DCP1B: variants seen among roughly 807,000 people sequenced by gnomAD.
DCP1B encodes the protein mRNA-decapping enzyme 1B.
A neutral mutation model predicts 60.5 loss-of-function variants in DCP1B; 47 were observed. That is an observed-to-expected ratio of 0.78 (90% CI 0.61 to 0.99). The LOEUF (loss-of-function observed/expected upper bound fraction) is 0.99, where lower values mean the gene tolerates loss of function less well. DCP1B is among the 50% of genes least tolerant of loss of function. The probability of loss-of-function intolerance (pLI) is 0.00; values close to 1 mark genes in which losing one functional copy is unlikely to be tolerated. For synonymous variants in DCP1B, 267 were observed against 280.3 expected, an observed-to-expected ratio of 0.95 and a Z score of 0.47; for missense variants, 725 against 756.8, an observed-to-expected ratio of 0.96 and a Z score of 0.49.
intron 2 of DCP1B, among the ~76,000 whole-genome samples, chr12:1,995,306 G>A (rs1047551546): frequency 9.2e-5 from 14 of 152,308 alleles, no homozygotes; most frequent in Admixed American, 2.0e-4. Context: ...ATCATAATGC[G>A]TGTTGTGAGA....
At chr12:1,969,183 T>G (rs959169407) in intron 3 of DCP1B, among the ~76,000 whole-genome samples, 2 of 152,240 alleles carry the variant, frequency 1.3e-5, no homozygotes, top group African/African-American at 4.8e-5. Context: ...TTAAAACAGC[T>G]ATGATATTCT....
chr12:1,972,988 C>T (rs1198106491), intron 3 of DCP1B, among the ~76,000 whole-genome samples: 3 of 152,204 alleles, frequency 2.0e-5, no homozygotes, highest in Non-Finnish European at 2.9e-5. Flanking sequence ...TGCGTTTGGC[C>T]GGCTCTGTGC....
rs2030732955 is a variant in DCP1B, at chr12:1,952,848, C to T, written c.1092G>A (p.Gly364=). 2 of 1,613,952 alleles carry T rather than the reference C, an allele frequency of 1.2e-6. No homozygotes were observed. Among genetic ancestry groups the T allele is most frequent in the African/African-American group, 1.3e-5 (1 of 74,864 alleles). The stretch of plus-strand genomic sequence containing the variant: ...TACTAGGGTCACACTTGTTTGCTGC[C>T]CCTGGGGTACTCTGAAGTTTCTCGA... ...NLFEKLQSTP[G]AANKCDPSTP... is the part of the protein sequence containing the mutation. Residue 364 remains glycine (G), a synonymous_variant, in exon 7 of 9, where the codon GGG becomes GGA. Coordinates refer to ENST00000280665, the MANE Select transcript of DCP1B (RefSeq NM_152640.5).
intron 3 of DCP1B, among the ~76,000 whole-genome samples, chr12:1,970,468 T>C (rs1169097089): frequency 6.6e-6 from 1 of 152,112 alleles, no homozygotes; most frequent in African/African-American, 2.4e-5. Context: ...CAAGATAAAA[T>C]GCAGAACTGG....
chr12:1,993,652 G>GTGTGTGTA (rs2040072620), intron 2 of DCP1B, among the ~76,000 whole-genome samples: 1 of 149,624 alleles, frequency 6.7e-6, no homozygotes. Context: ...GTGTGTGTGT[G>GTGTGTGTA]TGTGTATACA....
chr12:1,953,145 T>C lies in DCP1B; in HGVS notation c.795A>G (p.Pro265=), dbSNP rs763583707. The C allele has an allele frequency of 1.7e-5, 27 of 1,603,800 alleles. No individual in the cohort carries two copies. The highest frequency in any genetic ancestry group is 2.3e-5 in the Non-Finnish European group (27 of 1,177,590). Residue 265 remains proline, a synonymous_variant, in exon 7 of 9, where the codon CCA becomes CCG. Transcript: ENST00000280665. The part of the protein sequence containing the change: ...QQQQQQQEKL[P]IRQGVVRSLS... ...GGGAGCGTACAACCCCCTGCCTAAT[T>C]GGAAGCTTCTCTTGCTGCTGCTGCT...
rs530506455 is a variant in DCP1B at position 1,978,586 on chromosome 12, G to A, written c.320-10676C>T. On this transcript the variant is annotated intron_variant, in intron 3 of 8. Coordinates refer to ENST00000280665, the MANE Select transcript of DCP1B (RefSeq NM_152640.5). The stretch of plus-strand genomic sequence containing the variant: ...CACAGATCTTAAAGTGTTCTGCTCA[G>A]TGAGTTGGCAATAAAACACTCTTAT... Among the ~76,000 whole-genome samples, 13 of 152,214 alleles carry A rather than the reference G, an allele frequency of 8.5e-5. No individual in the cohort carries two copies. The South Asian group carries it at 2.5e-3, about 29-fold the overall frequency.
downstream of DCP1B, among the ~76,000 whole-genome samples, chr12:1,944,551 A>AACCAAAACAGCATGGTACTGGT (rs2030360992): frequency 6.6e-6 from 1 of 152,218 alleles, no homozygotes; most frequent in Non-Finnish European, 1.5e-5. Flanking sequence ...AGGCTACAGT[A>AACCAAAACAGCATGGTACTGGT]ACCAAAACAG....
At chr12:2,001,349 T>A (rs1054750256) in intron 1 of DCP1B, among the ~76,000 whole-genome samples, 2 of 152,194 alleles carry the variant, frequency 1.3e-5, no homozygotes, top group Non-Finnish European at 2.9e-5. Context: ...CCTGGGGTAT[T>A]TTAGCTTAAA....
intron 6 of DCP1B, among the ~76,000 whole-genome samples, chr12:1,953,790 A>T (rs2030780807): frequency 6.6e-6 from 1 of 152,236 alleles, no homozygotes; most frequent in Admixed American, 6.5e-5. Flanking sequence ...GGTAGGATTT[A>T]AAAAGTCCTT....
At chr12:1,947,563 T>C (rs2030483002) in intron 8 of DCP1B, among the ~76,000 whole-genome samples, 1 of 152,070 alleles carries the variant, frequency 6.6e-6, no homozygotes, top group African/African-American at 2.4e-5. Flanking sequence ...TACTCTGGAG[T>C]AGAGTCTCAA....
chr12:1,980,504 C>T (rs1404434039), intron 3 of DCP1B, among the ~76,000 whole-genome samples: 1 of 151,812 alleles, frequency 6.6e-6, no homozygotes, highest in Non-Finnish European at 1.5e-5. Context: ...TACATGTTCT[C>T]AATATGTTTT....
At chr12:1,985,979 TTTG>T (rs1469937942) in intron 3 of DCP1B, among the ~76,000 whole-genome samples, 4 of 152,172 alleles carry the variant, frequency 2.6e-5, no homozygotes, top group South Asian at 2.1e-4. Flanking sequence ...CTTGGCTAAT[TTTG>T]TTTTGTATTT....
intron 1 of DCP1B, among the ~76,000 whole-genome samples, chr12:2,000,808 G>A (rs1413933009): frequency 6.6e-6 from 1 of 152,148 alleles, no homozygotes; most frequent in Non-Finnish European, 1.5e-5. Flanking sequence ...AGGCCGAGGC[G>A]GGTGGATCAC....
chr12:1,950,255 C>T, intron 7 of DCP1B: 1 of 690,096 alleles, frequency 1.4e-6, no homozygotes, highest in Non-Finnish European at 2.6e-6. Context: ...CTTGTCCCTA[C>T]ATGACATTTC....
chr12:1,952,365 A>C (rs1453454388), intron 7 of DCP1B, 51 bp downstream of exon 7: 6 of 1,454,674 alleles, frequency 4.1e-6, no homozygotes, highest in Middle Eastern at 2.6e-4. Flanking sequence ...TAGGGACAGG[A>C]TCTTGCTATG....
At chr12:1,950,140 G>A in intron 7 of DCP1B, 1 of 575,398 alleles carries the variant, frequency 1.7e-6, no homozygotes, top group South Asian at 2.3e-5. Flanking sequence ...CTAAGAGGGA[G>A]GCAAGGAGGC....
downstream of DCP1B, among the ~76,000 whole-genome samples, chr12:1,942,511 C>G (rs1341896912): frequency 6.6e-6 from 1 of 152,236 alleles, no homozygotes; most frequent in Non-Finnish European, 1.5e-5. Flanking sequence ...CCACATCACA[C>G]TTATTCTAAA....
In DCP1B at chr12:1,996,639, AAAAAAAAAAAAAAAAAC is replaced by A. The variant is rs1279448830; in HGVS notation, c.191+1279_191+1295del. Among the ~76,000 whole-genome samples the A allele has an allele frequency of 9.2e-4, 108 of 117,164 alleles. 7 individuals carry two copies. The highest frequency in any genetic ancestry group is 2.4e-3 in the African/African-American group (70 of 29,182). The allele number at this position is 117,164 out of a possible 152,430, so 76.9% of individuals were successfully genotyped here. Reference sequence around the variant, plus strand: ...GCTAAAAAAAAAAAAAAAAAAAAAAAAAAAAAAAAAAAAAAACAACAAACTCTTCTAATGTTTTAAAG... The same window carrying A: ...GCTAAAAAAAAAAAAAAAAAAAAAAAAACAAACTCTTCTAATGTTTTAAAG... On this transcript the variant is annotated intron_variant, in intron 2 of 8. Coordinates refer to ENST00000280665, the MANE Select transcript of DCP1B (RefSeq NM_152640.5).
Sources: allele counts gnomAD v4.1 joint callset (sites outside exome capture counted in the v4.1 genomes callset), GRCh38; gene constraint gnomAD v4.1.1; transcripts MANE v1.5; gene names NCBI Gene and HGNC (gene_info 2026-07-23, HGNC 2026-07-21).